The following AGBL4 variants were observed in gnomAD, a reference collection of about 807,000 sequenced individuals.
The protein encoded by AGBL4 is cytosolic carboxypeptidase 6.
AGBL4 carries 58 observed loss-of-function variants against 66.4 expected under a neutral mutation model. That is an observed-to-expected ratio of 0.87 (90% CI 0.71 to 1.09). The LOEUF (loss-of-function observed/expected upper bound fraction) is 1.09. AGBL4 is among the 50% of genes least tolerant of loss of function. AGBL4 has a pLI of 0.00. For missense variants in AGBL4, 579 were observed against 631.0 expected (o/e 0.92, Z 0.88); for synonymous variants, 234 against 222.9 (o/e 1.05, Z -0.44).
intron 6 of AGBL4, among the ~76,000 whole-genome samples, chr1:48,731,832 G>GC (rs1390002018): frequency 6.6e-6 from 1 of 152,162 alleles, no homozygotes. Context: ...ATGTTTAGAA[G>GC]CTTACCCTTC....
At chr1:48,730,019 C>G (rs138122730) in intron 6 of AGBL4, among the ~76,000 whole-genome samples, 40 of 152,314 alleles carry the variant, frequency 2.6e-4, no homozygotes, top group African/African-American at 9.6e-4. Flanking sequence ...TCACCCTTCA[C>G]CTGCCTAAGC....
intron 1 of AGBL4, among the ~76,000 whole-genome samples, chr1:50,019,877 G>T (rs1382450942): frequency 1.3e-5 from 2 of 151,868 alleles, no homozygotes; most frequent in African/African-American, 4.8e-5. Flanking sequence ...TATTAGTATT[G>T]ATAATCAAAT....
At chr1:49,923,053 A>G (rs1315666282) in intron 1 of AGBL4, among the ~76,000 whole-genome samples, 2 of 152,238 alleles carry the variant, frequency 1.3e-5, no homozygotes. Context: ...GCATCACGCT[A>G]CTCGACTTCA....
At chr1:49,428,610 T>C (rs1232056455) in intron 3 of AGBL4, among the ~76,000 whole-genome samples, 1 of 152,206 alleles carries the variant, frequency 6.6e-6, no homozygotes, top group Non-Finnish European at 1.5e-5. Flanking sequence ...TCCAGATCCT[T>C]CTCAATTCTA....
intron 2 of AGBL4, among the ~76,000 whole-genome samples, chr1:49,702,469 G>A (rs553619824): frequency 6.6e-6 from 1 of 152,120 alleles, no homozygotes; most frequent in African/African-American, 2.4e-5. Flanking sequence ...CCAGCCTAGT[G>A]ATAGAGCGAG....
chr1:49,614,855 A>G (rs1235496065), intron 3 of AGBL4, among the ~76,000 whole-genome samples: 1 of 152,046 alleles, frequency 6.6e-6, no homozygotes, highest in Non-Finnish European at 1.5e-5. Flanking sequence ...TTCTGTATCA[A>G]CCTTAAGGTG....
intron 6 of AGBL4, among the ~76,000 whole-genome samples, chr1:48,673,718 A>G (rs1490353876): frequency 1.7e-4 from 26 of 152,274 alleles, no homozygotes; most frequent in Non-Finnish European, 4.4e-5. Context: ...TTTGTTAAAC[A>G]GACTATGGAA....
At chr1:48,852,015 CTTTTTTT>C (rs138826187) in intron 6 of AGBL4, among the ~76,000 whole-genome samples, 2 of 71,932 alleles carry the variant, frequency 2.8e-5, no homozygotes, top group African/African-American at 1.0e-4. Context: ...CAGATACGTA[CTTTTTTT>C]TTTTTTTTTT....
At chr1:49,482,533 T>C (rs915522626) in intron 3 of AGBL4, among the ~76,000 whole-genome samples, 12 of 150,984 alleles carry the variant, frequency 7.9e-5, no homozygotes, top group African/African-American at 2.4e-4. Context: ...TCTTCTTTAT[T>C]AGTCTAGCTA....
intron 3 of AGBL4, among the ~76,000 whole-genome samples, chr1:49,419,940 T>G (rs1645507522): frequency 6.6e-6 from 1 of 152,158 alleles, no homozygotes; most frequent in South Asian, 2.1e-4. Flanking sequence ...GCATCAGCAT[T>G]ATTTGAAAAT....
At chr1:49,221,709 A>G (rs1570116189) in intron 4 of AGBL4, among the ~76,000 whole-genome samples, 1 of 152,120 alleles carries the variant, frequency 6.6e-6, no homozygotes, top group East Asian at 1.9e-4. Flanking sequence ...TCTTTGAAAG[A>G]GAATTTTGTC....
chr1:49,725,203 A>G (rs769591719), intron 2 of AGBL4, among the ~76,000 whole-genome samples: 8 of 152,200 alleles, frequency 5.3e-5, no homozygotes, highest in Non-Finnish European at 8.8e-5. Context: ...AGAAAGATGC[A>G]TCTATGTTAA....
At chr1:49,165,905 C>G (rs967692653) in intron 4 of AGBL4, among the ~76,000 whole-genome samples, 1 of 151,808 alleles carries the variant, frequency 6.6e-6, no homozygotes, top group African/African-American at 2.4e-5. Context: ...GTCTATCCAC[C>G]CATGAATTTA....
chr1:48,647,648 G>C (rs758423670), intron 8 of AGBL4: 17 of 437,994 alleles, frequency 3.9e-5, no homozygotes, highest in South Asian at 1.3e-4. Context: ...TCATATTGTT[G>C]TACGGAGATG....
At chr1:49,814,968 A>G (rs1254074940) in intron 2 of AGBL4, among the ~76,000 whole-genome samples, 2 of 152,192 alleles carry the variant, frequency 1.3e-5, no homozygotes, top group South Asian at 2.1e-4. Flanking sequence ...TAAAAATCAC[A>G]TCACAGAAAA....
At chr1:49,505,802 T>C (rs558858532) in intron 3 of AGBL4, among the ~76,000 whole-genome samples, 1 of 152,170 alleles carries the variant, frequency 6.6e-6, no homozygotes, top group Non-Finnish European at 1.5e-5. Flanking sequence ...TTTTCTGTTA[T>C]TATTTCTTTA....
At chr1:49,695,378 A>AAAAAAAAT (rs1354196811) in intron 3 of AGBL4, among the ~76,000 whole-genome samples, 2 of 152,068 alleles carry the variant, frequency 1.3e-5, no homozygotes, top group African/African-American at 4.8e-5. Flanking sequence ...GAAGTGAAAG[A>AAAAAAAAT]CTCAGTCTAG....
At chr1:48,844,872 A>C (rs1646877403) in intron 6 of AGBL4, among the ~76,000 whole-genome samples, 1 of 152,172 alleles carries the variant, frequency 6.6e-6, no homozygotes, top group African/African-American at 2.4e-5. Flanking sequence ...TGGTAGGATA[A>C]ATTCCCATTT....
chr1:49,933,481 A>G (rs557268093), intron 1 of AGBL4, among the ~76,000 whole-genome samples: 1 of 152,264 alleles, frequency 6.6e-6, no homozygotes, highest in African/African-American at 2.4e-5. Flanking sequence ...ACTATGAAAT[A>G]TAATATATAG....
Sources: allele counts gnomAD v4.1 joint callset (sites outside exome capture counted in the v4.1 genomes callset), GRCh38; gene constraint gnomAD v4.1.1; transcripts MANE v1.5; gene names NCBI Gene and HGNC (gene_info 2026-07-23, HGNC 2026-07-21).